COX7B2: variants seen among roughly 807,000 people sequenced by gnomAD.
COX7B2 encodes cytochrome c oxidase subunit 7B2, mitochondrial.
For synonymous variants in COX7B2, 37 were observed against 32.1 expected, an observed-to-expected ratio of 1.15 and a Z score of -0.51; for missense variants, 109 against 95.9, an observed-to-expected ratio of 1.14 and a Z score of -0.57.
chr4:46,760,781 C>T (rs1025898858), intron 2 of COX7B2, among the ~76,000 whole-genome samples: 23 of 152,044 alleles, frequency 1.5e-4, no homozygotes, highest in Non-Finnish European at 1.0e-4. Context: ...ATTAAAAATT[C>T]AGTGAATACA....
chr4:46,748,111 A>G (rs1412463020), intron 2 of COX7B2, among the ~76,000 whole-genome samples: 1 of 152,214 alleles, frequency 6.6e-6, no homozygotes, highest in Non-Finnish European at 1.5e-5. Context: ...AAATTTAAAA[A>G]TCTTGGAACC....
intron 2 of COX7B2, among the ~76,000 whole-genome samples, chr4:46,760,584 G>A (rs947209225): frequency 2.0e-5 from 3 of 152,112 alleles, no homozygotes; most frequent in East Asian, 1.9e-4. Flanking sequence ...GGGAGGGATA[G>A]CATTAGGAGA....
At chr4:46,893,209 T>C (rs1306255645) in intron 1 of COX7B2, among the ~76,000 whole-genome samples, 2 of 152,158 alleles carry the variant, frequency 1.3e-5, no homozygotes, top group Non-Finnish European at 2.9e-5. Flanking sequence ...GCCTTAATGA[T>C]GGTGAGGGCA....
intron 2 of COX7B2, among the ~76,000 whole-genome samples, chr4:46,824,219 C>A (rs560152993): frequency 6.6e-6 from 1 of 152,082 alleles, no homozygotes; most frequent in African/African-American, 2.4e-5. Context: ...GATGGATTCA[C>A]GGTCAAATTC....
At chr4:46,843,227 A>G (rs1439027978) in intron 2 of COX7B2, among the ~76,000 whole-genome samples, 1 of 152,074 alleles carries the variant, frequency 6.6e-6, no homozygotes, top group African/African-American at 2.4e-5. Context: ...GCTTCTTAGC[A>G]TCACTAAGCC....
At chr4:46,815,404 CA>C (rs1233913504) in intron 2 of COX7B2, among the ~76,000 whole-genome samples, 1 of 152,080 alleles carries the variant, frequency 6.6e-6, no homozygotes, top group Non-Finnish European at 1.5e-5. Context: ...TTATGGCCTG[CA>C]GTGTAATAAT....
chr4:46,818,234 C>A (rs1719652549), intron 2 of COX7B2, among the ~76,000 whole-genome samples: 1 of 152,188 alleles, frequency 6.6e-6, no homozygotes, highest in Admixed American at 6.5e-5. Flanking sequence ...ATCTTTTGCA[C>A]ATCCAGCAGA....
Position 46,841,142 on chromosome 4 carries a change from T to A in COX7B2, c.-50+3818A>T, listed in dbSNP as rs78498892. Among the ~76,000 whole-genome samples the A allele has an allele frequency of 5.4e-3, 827 of 152,094 alleles. 7 individuals are homozygous for A. The highest frequency in any genetic ancestry group is 0.019 in the African/African-American group (769 of 41,524). ...TTGAGCAATGAGACACTGAATTATT[T>A]TAACCTGATATTAGTTCTATGCCTC... is the stretch of plus-strand genomic sequence containing the variant. On this transcript the variant is annotated intron_variant, in intron 2 of 2. Transcript: ENST00000355591.
At chr4:46,834,653 G>C (rs1353861527) in intron 2 of COX7B2, among the ~76,000 whole-genome samples, 1 of 151,984 alleles carries the variant, frequency 6.6e-6, no homozygotes, top group Non-Finnish European at 1.5e-5. Flanking sequence ...TTCTTCACTT[G>C]ATTGTTATCT....
At chr4:46,847,141 C>G (rs1716336371) in intron 1 of COX7B2, among the ~76,000 whole-genome samples, 1 of 152,004 alleles carries the variant, frequency 6.6e-6, no homozygotes, top group Non-Finnish European at 1.5e-5. Flanking sequence ...CTCAAGTGGA[C>G]AGACTCAGGT....
chr4:46,793,003 T>A (rs1007792289), intron 2 of COX7B2, among the ~76,000 whole-genome samples: 3 of 152,104 alleles, frequency 2.0e-5, no homozygotes, highest in Non-Finnish European at 2.9e-5. Context: ...GATGTAAGAA[T>A]TAAAGAAGAA....
chr4:46,765,823 C>T (rs1375252561), intron 2 of COX7B2, among the ~76,000 whole-genome samples: 1 of 152,000 alleles, frequency 6.6e-6, no homozygotes, highest in East Asian at 1.9e-4. Flanking sequence ...ATCAGGCCAG[C>T]CCATATGGCC....
chr4:46,767,516 A>T (rs2109502167), intron 2 of COX7B2, among the ~76,000 whole-genome samples: 1 of 152,330 alleles, frequency 6.6e-6, no homozygotes, highest in African/African-American at 2.4e-5. Flanking sequence ...CTTAACAGAC[A>T]TATACAGAAC....
In COX7B2 at chr4:46,862,804, A is replaced by G. The variant is rs555707600; in HGVS notation, c.-104-17790T>C. ...AGATTTGCCTAGTAGCACAACTTTT[A>G]TAAGTAATCTTGCTAAACTATTAAA... is the stretch of plus-strand genomic sequence containing the variant. On this transcript the variant is annotated intron_variant, in intron 1 of 2. Coordinates refer to ENST00000355591, the MANE Select transcript of COX7B2 (RefSeq NM_130902.3). Among the ~76,000 whole-genome samples the G allele has an allele frequency of 3.0e-3, 457 of 152,326 alleles. 4 individuals carry two copies. The highest frequency in any genetic ancestry group is 0.01 in the African/African-American group (435 of 41,586).
intron 2 of COX7B2, among the ~76,000 whole-genome samples, chr4:46,769,745 G>A (rs576056880): frequency 6.6e-6 from 1 of 152,086 alleles, no homozygotes; most frequent in East Asian, 1.9e-4. Flanking sequence ...TGATGATTTT[G>A]AAAGTATACA....
intron 2 of COX7B2, among the ~76,000 whole-genome samples, chr4:46,800,309 AAAGCAATCCT>A (rs1049038312): frequency 6.6e-6 from 1 of 152,172 alleles, no homozygotes; most frequent in Non-Finnish European, 1.5e-5. Flanking sequence ...CAGAACAGCC[AAAGCAATCCT>A]AAGCAAAAAG....
chr4:46,860,843 G>A (rs1211306159), intron 1 of COX7B2, among the ~76,000 whole-genome samples: 2 of 152,166 alleles, frequency 1.3e-5, no homozygotes, highest in Non-Finnish European at 2.9e-5. Context: ...CCTGTTGTGA[G>A]GGGACCCTGA....
At chr4:46,903,581 A>C (rs1049658710) in intron 1 of COX7B2, among the ~76,000 whole-genome samples, 5 of 152,174 alleles carry the variant, frequency 3.3e-5, no homozygotes, top group African/African-American at 4.8e-5. Context: ...TGCCTCACCC[A>C]GAACAACTTT....
intron 2 of COX7B2, among the ~76,000 whole-genome samples, chr4:46,777,658 G>A (rs1177637264): frequency 6.6e-6 from 1 of 152,112 alleles, no homozygotes; most frequent in Admixed American, 6.5e-5. Flanking sequence ...AGTTATGAAG[G>A]CTGGCAGCAA....
Sources: allele counts gnomAD v4.1 joint callset (sites outside exome capture counted in the v4.1 genomes callset), GRCh38; gene constraint gnomAD v4.1.1; transcripts MANE v1.5; gene names NCBI Gene and HGNC (gene_info 2026-07-23, HGNC 2026-07-21).